HMBOX1: variants seen among roughly 807,000 people sequenced by gnomAD.
HMBOX1 encodes homeobox-containing protein 1.
In HMBOX1, 14 loss-of-function variants were observed where a neutral mutation model predicts 54.5. That is an observed-to-expected ratio of 0.26 (90% CI 0.17 to 0.40). The LOEUF (loss-of-function observed/expected upper bound fraction) is 0.40, where lower values mean the gene tolerates loss of function less well. HMBOX1 is among the 10% of genes least tolerant of loss of function. The pLI, the probability that HMBOX1 is intolerant of heterozygous loss-of-function variation, is 1.00. For missense variants in HMBOX1, 332 were observed against 514.4 expected, an observed-to-expected ratio of 0.65 and a Z score of 3.43; for synonymous variants, 160 against 181.0, an observed-to-expected ratio of 0.88 and a Z score of 0.93.
chr8:28,892,197 G>A (rs1201999997), intron 1 of HMBOX1, among the ~76,000 whole-genome samples: 2 of 152,140 alleles, frequency 1.3e-5, no homozygotes, highest in East Asian at 3.8e-4. Context: ...TATCACATCA[G>A]GATTGCAGTG....
intron 1 of HMBOX1, among the ~76,000 whole-genome samples, chr8:28,900,271 A>AATATATATATATATATAT (rs1554519263): frequency 2.4e-4 from 17 of 70,326 alleles, no homozygotes; most frequent in Non-Finnish European, 3.2e-4. Flanking sequence ...AAAAAAAAAA[A>AATATATATATATATATAT]ATATATATAT....
intron 1 of HMBOX1, among the ~76,000 whole-genome samples, chr8:28,910,674 G>C: frequency 6.6e-6 from 1 of 152,116 alleles, no homozygotes; most frequent in African/African-American, 2.4e-5. Context: ...TATCTTTTTT[G>C]ATGAAATATC....
chr8:28,892,413 G>A (rs1811190952), intron 1 of HMBOX1, among the ~76,000 whole-genome samples: 1 of 152,068 alleles, frequency 6.6e-6, no homozygotes, highest in African/African-American at 2.4e-5. Context: ...GTCATATTTT[G>A]TACTTCCTTA....
chr8:28,926,302 T>TACACACAC (rs548652349), intron 1 of HMBOX1, among the ~76,000 whole-genome samples: 10 of 143,612 alleles, frequency 7.0e-5, no homozygotes, highest in African/African-American at 2.7e-4. Context: ...TATATATATA[T>TACACACAC]ATACACACAC....
Position 29,018,847 on chromosome 8 carries a change from G to C in HMBOX1, c.785G>C (p.Gly262Ala). ...QTPPPVSATS[G>A]TFRLRRGSRF... is the part of the protein sequence containing the mutation. ...CCTCCCCCAGTCTCTGCCACATCTG[G>C]TACTTTCCGACTGCGACGAGGGAGT... Residue 262 changes from glycine (G) to alanine (A), a missense_variant, in exon 6 of 10, where the codon GGT becomes GCT. Gly to Ala is a moderately conservative substitution (Grantham distance 60). Transcript: ENST00000287701. 6.2e-7 allele frequency: 1 copy of C among 1,614,132 alleles called. No individual in the cohort carries two copies. Among genetic ancestry groups the C allele is most frequent in the Non-Finnish European group, 8.5e-7 (1 of 1,180,010 alleles).
At chr8:28,915,899 A>C (rs1281660516) in intron 1 of HMBOX1, 1 of 152,164 alleles carries the variant, frequency 6.6e-6, no homozygotes, top group Non-Finnish European at 1.5e-5. Flanking sequence ...TATTTAACTC[A>C]GTATTTCCAA....
At chr8:28,896,827 C>G (rs1160419599) in intron 1 of HMBOX1, among the ~76,000 whole-genome samples, 1 of 152,122 alleles carries the variant, frequency 6.6e-6, no homozygotes, top group Non-Finnish European at 1.5e-5. Context: ...CAGAGTGTAT[C>G]TCTGTCATTA....
chr8:28,949,672 T>C (rs1255719350), intron 1 of HMBOX1: 3 of 152,236 alleles, frequency 2.0e-5, no homozygotes, highest in Non-Finnish European at 4.4e-5. Flanking sequence ...TATTTACTGC[T>C]TGTTGCCAGC....
At chr8:28,907,561 C>A (rs923470619) in intron 1 of HMBOX1, among the ~76,000 whole-genome samples, 17 of 152,078 alleles carry the variant, frequency 1.1e-4, no homozygotes, top group Admixed American at 5.2e-4. Flanking sequence ...AGTATAAAAA[C>A]AATTAGTGCA....
At chr8:28,969,345 T>C (rs1394603597) in intron 2 of HMBOX1, among the ~76,000 whole-genome samples, 3 of 152,220 alleles carry the variant, frequency 2.0e-5, no homozygotes, top group Non-Finnish European at 4.4e-5. Context: ...GAAAAATGAA[T>C]AGCATTGTTT....
chr8:28,931,663 T>C (rs755856240), intron 1 of HMBOX1, among the ~76,000 whole-genome samples: 5 of 152,086 alleles, frequency 3.3e-5, no homozygotes, highest in Admixed American at 6.6e-5. Flanking sequence ...CACCTCAGCC[T>C]CCCAAGTAGC....
intron 4 of HMBOX1, among the ~76,000 whole-genome samples, chr8:28,990,361 T>C (rs1830803874): frequency 6.6e-6 from 1 of 152,174 alleles, no homozygotes; most frequent in Admixed American, 6.5e-5. Flanking sequence ...GGAAAGCTTC[T>C]ATTTATAATT....
At chr8:29,008,843 G>A (rs1248068223) in intron 4 of HMBOX1, among the ~76,000 whole-genome samples, 2 of 151,978 alleles carry the variant, frequency 1.3e-5, no homozygotes, top group Non-Finnish European at 2.9e-5. Flanking sequence ...GGCCATTGTC[G>A]GGTCTTAATT....
chr8:28,958,006 A>C (rs1317421138), intron 1 of HMBOX1, among the ~76,000 whole-genome samples: 1 of 152,316 alleles, frequency 6.6e-6, no homozygotes. Flanking sequence ...GGGAAAGGCT[A>C]TCCCTGTCAA....
At chr8:28,915,331 G>A (rs983066567) in intron 1 of HMBOX1, among the ~76,000 whole-genome samples, 1 of 152,014 alleles carries the variant, frequency 6.6e-6, no homozygotes, top group Non-Finnish European at 1.5e-5. Context: ...GCTGAGGCGG[G>A]CGGATCACAA....
At chr8:28,993,827 T>C (rs1831354216) in intron 4 of HMBOX1, among the ~76,000 whole-genome samples, 2 of 152,082 alleles carry the variant, frequency 1.3e-5, no homozygotes, top group South Asian at 4.1e-4. Flanking sequence ...ATCTAAAGTT[T>C]ATCTGCAAGA....
At chr8:29,005,009 C>T (rs1229298782) in intron 4 of HMBOX1, among the ~76,000 whole-genome samples, 1 of 152,082 alleles carries the variant, frequency 6.6e-6, no homozygotes, top group Non-Finnish European at 1.5e-5. Flanking sequence ...ACCTGCTTTA[C>T]TTATTTTCTA....
Position 29,018,764 on chromosome 8 carries a change from T to C in HMBOX1, c.702T>C (p.Ala234=). ...AAAGTGTCTTGTTTATTTCAGGCGC[T>C]ACACTAAGTATGAGACCAGCCCCCA... ...WYQLEKTNPG[A]TLSMRPAPIP... Residue 234 remains alanine, a synonymous_variant, in exon 6 of 10, where the codon GCT becomes GCC. Coordinates refer to ENST00000287701, the MANE Select transcript of HMBOX1 (RefSeq NM_001135726.3). 6.2e-7 allele frequency: 1 copy of C among 1,613,116 alleles called. No individual in the cohort carries two copies. Among genetic ancestry groups the C allele is most frequent in the Non-Finnish European group, 8.5e-7 (1 of 1,179,460 alleles).
At chr8:28,909,393 C>A (rs913837574) in intron 1 of HMBOX1, among the ~76,000 whole-genome samples, 5 of 152,016 alleles carry the variant, frequency 3.3e-5, no homozygotes, top group African/African-American at 7.3e-5. Context: ...GATACAAGTC[C>A]AAATATCAGT....
Sources: allele counts gnomAD v4.1 joint callset (sites outside exome capture counted in the v4.1 genomes callset), GRCh38; gene constraint gnomAD v4.1.1; transcripts MANE v1.5; gene names NCBI Gene and HGNC (gene_info 2026-07-23, HGNC 2026-07-21).